PEPD: variants seen among roughly 807,000 people sequenced by gnomAD.
The protein encoded by PEPD is xaa-Pro dipeptidase.
In PEPD, 53 loss-of-function variants were observed where a neutral mutation model predicts 60.7. The observed-to-expected ratio is 0.87, with a 90% CI of 0.70 to 1.10. The LOEUF (loss-of-function observed/expected upper bound fraction) is 1.10, where lower values mean the gene tolerates loss of function less well. Among genes scored for constraint, PEPD ranks in the 50% least tolerant of loss-of-function variants. The pLI is 0.00. For synonymous variants in PEPD, 267 were observed against 284.1 expected (o/e 0.94, Z 0.60); for missense variants, 711 against 711.9 (o/e 1.00, Z 0.01).
intron 4 of PEPD, among the ~76,000 whole-genome samples, chr19:33,497,028 G>C (rs1035412809): frequency 6.6e-6 from 1 of 152,242 alleles, no homozygotes; most frequent in Non-Finnish European, 1.5e-5. Context: ...ACCTTCTTTC[G>C]TGGCATTCTC....
At chr19:33,462,896 T>C (rs1969952924) in intron 9 of PEPD, 99 bp downstream of exon 9, 1 of 800,554 alleles carries the variant, frequency 1.2e-6, no homozygotes, top group Non-Finnish European at 2.3e-6. Context: ...CCGCTCACGG[T>C]GTGTGTGCCA....
At chr19:33,509,596 T>C (rs1401452259) in intron 3 of PEPD, among the ~76,000 whole-genome samples, 2 of 152,182 alleles carry the variant, frequency 1.3e-5, no homozygotes, top group Admixed American at 1.3e-4. Flanking sequence ...CCAGTCCCTG[T>C]GGCAGCCAGG....
chr19:33,422,839 C>CTATCTATCT (rs1568463742), intron 9 of PEPD, among the ~76,000 whole-genome samples: 988 of 39,838 alleles, frequency 0.025, 5 homozygotes, highest in Middle Eastern at 0.064. Context: ...TCTATCTATC[C>CTATCTATCT]ATCTATCCAT....
chr19:33,504,218 C>T (rs1970760199), intron 3 of PEPD, among the ~76,000 whole-genome samples: 1 of 152,260 alleles, frequency 6.6e-6, no homozygotes, highest in South Asian at 2.1e-4. Context: ...ACTCCCACGT[C>T]AAACCAGCCA....
intron 9 of PEPD, among the ~76,000 whole-genome samples, chr19:33,461,940 A>C (rs1271418391): frequency 6.6e-6 from 1 of 152,202 alleles, no homozygotes; most frequent in East Asian, 1.9e-4. Flanking sequence ...GGGCGGGGTA[A>C]GGAGAGAAGC....
intron 3 of PEPD, among the ~76,000 whole-genome samples, chr19:33,506,438 ACACAC>A (rs1431181919): frequency 8.3e-6 from 1 of 119,968 alleles, no homozygotes; most frequent in Admixed American, 8.1e-5. Flanking sequence ...ACACACACCC[ACACAC>A]AACACACTCA....
chr19:33,390,297 A>T (rs1271023547), intron 13 of PEPD, among the ~76,000 whole-genome samples: 7 of 152,354 alleles, frequency 4.6e-5, no homozygotes, highest in Admixed American at 4.6e-4. Flanking sequence ...CAATGTCTGG[A>T]AGGCCCAGCT....
chr19:33,511,009 T>C lies in PEPD; in HGVS notation c.329+19A>G. ...CCCATGGTTGGTAGCCATGGTGCCCTGGCCAGGCTGCTCCTTACTTTCCCA... is the reference window on the plus strand; with the variant it reads ...CCCATGGTTGGTAGCCATGGTGCCCCGGCCAGGCTGCTCCTTACTTTCCCA... On this transcript the variant is annotated intron_variant, in intron 3 of 14. Coordinates refer to ENST00000244137, the MANE Select transcript of PEPD (RefSeq NM_000285.4). The C allele has an allele frequency of 2.0e-6, 3 of 1,501,230 alleles. No individual in the cohort carries two copies. The highest frequency in any genetic ancestry group is 1.8e-6 in the Non-Finnish European group (2 of 1,108,966). The allele number at this position is 1,501,230 out of a possible 1,614,324, so 93.0% of individuals were successfully genotyped here. A position where few individuals can be genotyped will look rare whatever the true frequency, so the allele number is the denominator to read the frequency against.
chr19:33,430,775 G>T (rs1262379631), intron 9 of PEPD, among the ~76,000 whole-genome samples: 1 of 152,114 alleles, frequency 6.6e-6, no homozygotes, highest in Non-Finnish European at 1.5e-5. Context: ...GTCCTGATGT[G>T]TTCTGCCCAG....
intron 9 of PEPD, among the ~76,000 whole-genome samples, chr19:33,422,449 T>A (rs890145767): frequency 8.9e-5 from 13 of 146,532 alleles, no homozygotes; most frequent in Admixed American, 7.4e-4. Flanking sequence ...CTATAATCTA[T>A]CTACCCATCC....
At chr19:33,424,619 C>A (rs765710702) in intron 9 of PEPD, among the ~76,000 whole-genome samples, 1 of 152,102 alleles carries the variant, frequency 6.6e-6, no homozygotes, top group Non-Finnish European at 1.5e-5. Flanking sequence ...GCGGGAGGAT[C>A]GCTGGAGTCC....
intron 9 of PEPD, among the ~76,000 whole-genome samples, chr19:33,433,918 C>G (rs1969323099): frequency 6.6e-6 from 1 of 152,158 alleles, no homozygotes; most frequent in Non-Finnish European, 1.5e-5. Context: ...GCCTATTTAT[C>G]AAAATATATG....
At chr19:33,388,205 C>T in intron 13 of PEPD, 124 bp from the exon 14 acceptor site, 1 of 822,968 alleles carries the variant, frequency 1.2e-6, no homozygotes, top group South Asian at 1.4e-5. Context: ...TTGGGGTCCT[C>T]AGCCTAGACT....
At chr19:33,453,882 A>T (rs1969748091) in intron 9 of PEPD, among the ~76,000 whole-genome samples, 1 of 152,216 alleles carries the variant, frequency 6.6e-6, no homozygotes, top group African/African-American at 2.4e-5. Flanking sequence ...TCTGGGGACC[A>T]TGCTCTACCC....
chr19:33,420,741 G>C (rs1217767470), intron 9 of PEPD, among the ~76,000 whole-genome samples: 1 of 137,512 alleles, frequency 7.3e-6, no homozygotes, highest in Non-Finnish European at 1.6e-5. Context: ...ATGATTAGCT[G>C]TAATTAAAAA....
chr19:33,463,394 CTTTG>C (rs1480820112), intron 8 of PEPD, among the ~76,000 whole-genome samples: 7 of 152,330 alleles, frequency 4.6e-5, no homozygotes, highest in East Asian at 3.9e-4. Context: ...AAAAGGCCTC[CTTTG>C]TTTAACTTTC....
chr19:33,468,200 C>A (rs184490261), intron 7 of PEPD, among the ~76,000 whole-genome samples: 2 of 152,238 alleles, frequency 1.3e-5, no homozygotes, highest in Non-Finnish European at 2.9e-5. Flanking sequence ...CCCGGTGCAC[C>A]CCCTGGCCAG....
At chr19:33,512,068 C>G (rs1013377171) in intron 2 of PEPD, among the ~76,000 whole-genome samples, 1 of 152,144 alleles carries the variant, frequency 6.6e-6, no homozygotes, top group African/African-American at 2.4e-5. Flanking sequence ...TGGACACATT[C>G]CCTAGGCTCT....
chr19:33,482,844 TAGTGAC>T (rs1417266823), intron 6 of PEPD, among the ~76,000 whole-genome samples: 2 of 151,720 alleles, frequency 1.3e-5, no homozygotes, highest in Non-Finnish European at 2.9e-5. Flanking sequence ...AACAAAGTAG[TAGTGAC>T]AGAATAAGCA....
Sources: allele counts gnomAD v4.1 joint callset (sites outside exome capture counted in the v4.1 genomes callset), GRCh38; gene constraint gnomAD v4.1.1; transcripts MANE v1.5; gene names NCBI Gene and HGNC (gene_info 2026-07-23, HGNC 2026-07-21).